BEND2: variants seen among roughly 807,000 people sequenced by gnomAD.
BEND2 encodes BEN domain containing 2, also known as BEN domain-containing protein 2.
In BEND2, 19 loss-of-function variants were observed where a neutral mutation model predicts 43.8. The observed-to-expected ratio is 0.43, with a 90% CI of 0.30 to 0.64. BEND2 has a LOEUF of 0.64. BEND2 is among the 30% of genes least tolerant of loss of function. The probability of loss-of-function intolerance (pLI) is 0.11; values close to 1 mark genes in which losing one functional copy is unlikely to be tolerated. For missense variants in BEND2, 544 were observed against 574.0 expected, an observed-to-expected ratio of 0.95 and a Z score of 0.53; for synonymous variants, 226 against 210.1, an observed-to-expected ratio of 1.08 and a Z score of -0.66.
At chrX:18,208,306 C>T (rs943095316) in intron 4 of BEND2, among the ~76,000 whole-genome samples, 7 of 109,576 alleles carry the variant, frequency 6.4e-5, no homozygotes, top group South Asian at 8.0e-4. Flanking sequence ...GCTAACACGG[C>T]GAAACCTTGT....
intron 1 of BEND2, among the ~76,000 whole-genome samples, chrX:18,217,026 G>A (rs190369063): frequency 4.4e-5 from 5 of 112,486 alleles, no homozygotes; most frequent in African/African-American, 1.6e-4. Flanking sequence ...TGGCCAGCTG[G>A]CCCATGCCAC....
rs1032365508 is a variant in BEND2, at chrX:18,208,811, C to T, written c.492+3754G>A. On this transcript the variant is annotated intron_variant, in intron 4 of 13. Transcript: ENST00000380033. The stretch of plus-strand genomic sequence containing the variant: ...GTATGTGTGTGCATGGATTGGGATA[C>T]CTACATTTATTTCCTAGTTCTGTCC... 4.5e-5 allele frequency among the ~76,000 whole-genome samples: 5 copies of T among 111,298 alleles called. No homozygotes were observed. In the South Asian group the frequency reaches 1.2e-3, roughly 26 times the overall value.
At chrX:18,220,673 T>C in intron 1 of BEND2, 53 bp downstream of exon 1, 3 of 1,205,683 alleles carry the variant, frequency 2.5e-6, no homozygotes, top group Non-Finnish European at 2.2e-6. Context: ...TCCAGACTCT[T>C]GACAGAACTT....
At chrX:18,179,427 T>C (rs1924298839) in intron 9 of BEND2, among the ~76,000 whole-genome samples, 1 of 110,736 alleles carries the variant, frequency 9.0e-6, no homozygotes, top group Non-Finnish European at 1.9e-5. Context: ...CCTCCCAGAT[T>C]GCTGGGATTA....
chrX:18,191,446 G>A (rs189448351), intron 7 of BEND2, among the ~76,000 whole-genome samples: 6 of 111,777 alleles, frequency 5.4e-5, no homozygotes, highest in Non-Finnish European at 1.1e-4. Flanking sequence ...CAGACACTCT[G>A]GAAAACAACT....
chrX:18,216,483 A>G (rs185844482), intron 2 of BEND2, 38 bp downstream of exon 2: 9 of 1,104,376 alleles, frequency 8.1e-6, no homozygotes, highest in Admixed American at 2.2e-5. Context: ...GGGACCAGAG[A>G]GTAAAATTTT....
intron 13 of BEND2, among the ~76,000 whole-genome samples, chrX:18,166,751 A>G (rs1923833939): frequency 9.1e-6 from 1 of 110,299 alleles, no homozygotes; most frequent in Non-Finnish European, 1.9e-5. Flanking sequence ...TTAGCCAGGC[A>G]TGGTGGTGCA....
At chrX:18,180,721 T>TA in intron 8 of BEND2, 71 bp from the exon 9 acceptor site, 1 of 795,862 alleles carries the variant, frequency 1.3e-6, no homozygotes. Flanking sequence ...AGAGGGGAAA[T>TA]ACACTCTCAG....
chrX:18,203,862 G>A lies in BEND2; in HGVS notation c.546C>T (p.Ala182=). ...ACTCAAGAGATGTTACAGCAGGGCT[G>A]GCCCAGGCATGGGTTTCCTGCCTTT... ...PAERQETHAW[A]SPAVTSLESA... Residue 182 remains alanine, a synonymous_variant, in exon 5 of 14, where the codon GCC becomes GCT. Transcript: ENST00000380033. The A allele has an allele frequency of 8.3e-7, 1 of 1,208,823 alleles. No homozygotes were observed. Among genetic ancestry groups the A allele is most frequent in the South Asian group, 1.8e-5 (1 of 56,907 alleles).
chrX:18,186,853 G>A (rs1924590366), intron 8 of BEND2, among the ~76,000 whole-genome samples: 1 of 108,939 alleles, frequency 9.2e-6, no homozygotes, highest in Admixed American at 1.0e-4. Flanking sequence ...TGTAGTCCAA[G>A]CTACTTTGGA....
At chrX:18,190,136 T>C (rs959753801) in intron 8 of BEND2, among the ~76,000 whole-genome samples, 4 of 110,797 alleles carry the variant, frequency 3.6e-5, no homozygotes, top group African/African-American at 1.3e-4. Flanking sequence ...GAATGTAAAA[T>C]GGCACAGCCA....
chrX:18,175,947 C>T, intron 11 of BEND2, 25 bp downstream of exon 11: 2 of 1,165,326 alleles, frequency 1.7e-6, no homozygotes, highest in East Asian at 3.0e-5. Flanking sequence ...TAACAGTTAC[C>T]ATATTTAGAT....
intron 3 of BEND2, among the ~76,000 whole-genome samples, chrX:18,213,453 A>G (rs1781419731): frequency 8.9e-6 from 1 of 111,801 alleles, no homozygotes; most frequent in African/African-American, 3.2e-5. Context: ...GGCACAATTA[A>G]GGGATTCAAG....
At position 18,216,690 on chromosome X, in the gene BEND2, A is replaced by G; in HGVS notation, c.69T>C (p.Asp23=). 1 of 1,209,860 alleles carries G rather than the reference A, an allele frequency of 8.3e-7. No homozygotes were observed. The highest frequency in any genetic ancestry group is 1.1e-6 in the Non-Finnish European group (1 of 893,864). The change falls in exon 2 of 14, where the codon GAT becomes GAC. Residue 23 remains aspartate (D), a synonymous_variant. Transcript: ENST00000380033. ...AAACTTCCACCATCTCAATACTGCA[A>G]TCATTGTTATCATCACTGTCGTCGA... ...ITVDDSDDNN[D]CSIEMVEVSE... is the part of the protein sequence containing the mutation.
At chrX:18,174,515 C>T (rs776062867) in intron 11 of BEND2, among the ~76,000 whole-genome samples, 1 of 112,428 alleles carries the variant, frequency 8.9e-6, no homozygotes, top group East Asian at 2.8e-4. Flanking sequence ...ATGAGAACTG[C>T]TGGTACAAAT....
At chrX:18,184,624 C>T (rs1020364729) in intron 8 of BEND2, among the ~76,000 whole-genome samples, 2 of 112,280 alleles carry the variant, frequency 1.8e-5, no homozygotes, top group Non-Finnish European at 3.8e-5. Flanking sequence ...GACATGGCTT[C>T]AGTGACCAGA....
intron 8 of BEND2, among the ~76,000 whole-genome samples, chrX:18,184,138 C>T (rs1466887207): frequency 1.8e-5 from 2 of 111,295 alleles, no homozygotes; most frequent in Non-Finnish European, 3.8e-5. Context: ...TCACCCCTTC[C>T]CCAGCTCCAT....
At chrX:18,203,455 C>CAA (rs1239001428) in intron 5 of BEND2, 46 bp downstream of exon 5, 2 of 1,124,022 alleles carry the variant, frequency 1.8e-6, no homozygotes, top group Admixed American at 5.3e-5. Flanking sequence ...GTTTTAAAAT[C>CAA]TAGATTGAAG....
intron 8 of BEND2, among the ~76,000 whole-genome samples, chrX:18,187,214 T>A (rs1272212842): frequency 9.0e-6 from 1 of 110,579 alleles, no homozygotes; most frequent in Non-Finnish European, 1.9e-5. Context: ...GCTGAATGGA[T>A]AAAAAAGCAA....
Sources: gnomAD v4.1 joint callset for allele counts (sites outside exome capture counted in the v4.1 genomes callset) on GRCh38, gnomAD v4.1.1 for gene constraint, MANE v1.5 for transcripts, NCBI Gene and HGNC (gene_info 2026-07-23, HGNC 2026-07-21) for gene names.